The following DGKB variants were observed in gnomAD, a reference collection of about 807,000 sequenced individuals.
DGKB encodes diacylglycerol kinase beta, also known as 90 kDa diacylglycerol kinase.
In DGKB, 67 loss-of-function variants were observed where a neutral mutation model predicts 114.3. The ratio of observed to expected loss-of-function variants is 0.59; its 90% CI spans 0.48 to 0.72. The LOEUF (loss-of-function observed/expected upper bound fraction) is 0.72. Among genes scored for constraint, DGKB ranks in the 30% least tolerant of loss-of-function variants. DGKB has a pLI of 0.00. For synonymous variants in DGKB, 398 were observed against 323.1 expected (o/e 1.23, Z -2.49); for missense variants, 907 against 975.2 (o/e 0.93, Z 0.93).
At chr7:14,825,239 T>G (rs76118162) in intron 2 of DGKB, among the ~76,000 whole-genome samples, 5,018 of 151,724 alleles carry the variant, frequency 0.033, 263 homozygotes, top group African/African-American at 0.12. Context: ...CAGGGACCAG[T>G]GTCATGGAAG....
chr7:14,200,014 G>C (rs1785595093), intron 23 of DGKB, among the ~76,000 whole-genome samples: 1 of 151,994 alleles, frequency 6.6e-6, no homozygotes, highest in African/African-American at 2.4e-5. Context: ...GAGATGTTCA[G>C]ATTTCACTCC....
rs186239855 is a variant in DGKB, at chr7:14,559,984, C to T, written c.1770+14228G>A. The stretch of plus-strand genomic sequence containing the variant: ...CCCTTTCTCCCTCCCTTCCTTTTTG[C>T]CTTCCTCTCTTTTTCTTTCATTTAA... On this transcript the variant is annotated intron_variant, in intron 20 of 25. Coordinates refer to ENST00000402815, the MANE Select transcript of DGKB (RefSeq NM_001350709.2). Among the ~76,000 whole-genome samples the T allele has an allele frequency of 3.9e-3, 584 of 150,462 alleles. 4 individuals carry two copies. Among genetic ancestry groups the T allele is most frequent in the African/African-American group, 0.014 (563 of 40,998 alleles).
intron 23 of DGKB, among the ~76,000 whole-genome samples, chr7:14,276,965 T>C (rs936595726): frequency 6.6e-6 from 1 of 152,112 alleles, no homozygotes; most frequent in Non-Finnish European, 1.5e-5. Context: ...ATCAAGCTAG[T>C]TAACATATCT....
At chr7:14,641,417 G>A (rs542828357) in intron 13 of DGKB, among the ~76,000 whole-genome samples, 52 of 151,440 alleles carry the variant, frequency 3.4e-4, no homozygotes, top group African/African-American at 1.3e-3. Flanking sequence ...AACTTGATTT[G>A]TAAGTTTTGG....
intron 21 of DGKB, among the ~76,000 whole-genome samples, chr7:14,416,850 T>C (rs897532566): frequency 6.6e-6 from 1 of 152,104 alleles, no homozygotes; most frequent in African/African-American, 2.4e-5. Context: ...GCACAGGTAA[T>C]TTTACTCAAC....
chr7:14,895,715 C>T (rs534334766), intron 1 of DGKB, among the ~76,000 whole-genome samples: 4 of 151,662 alleles, frequency 2.6e-5, no homozygotes, highest in East Asian at 1.9e-4. Context: ...GATACAGGAC[C>T]GTGGTATAAG....
chr7:14,689,206 T>TTATTTTTTTTA (rs1554599146), intron 9 of DGKB, among the ~76,000 whole-genome samples: 3 of 122,762 alleles, frequency 2.4e-5, no homozygotes, highest in East Asian at 2.5e-4. Context: ...CTTATTTTTT[T>TTATTTTTTTTA]TTTTTTTTTT....
chr7:14,776,417 C>A (rs1325383825), intron 2 of DGKB, among the ~76,000 whole-genome samples: 1 of 152,234 alleles, frequency 6.6e-6, no homozygotes, highest in Non-Finnish European at 1.5e-5. Context: ...CCTACCATCA[C>A]AGGCCAGGAG....
At position 14,247,799 on chromosome 7, in the gene DGKB, T is replaced by A. The variant is rs187202008; in HGVS notation, c.2123-69648A>T. 1.6e-3 allele frequency among the ~76,000 whole-genome samples: 241 copies of A among 152,204 alleles called. 1 individual carries two copies. The highest frequency in any genetic ancestry group is 0.01 in the Middle Eastern group (3 of 294). On this transcript the variant is annotated intron_variant, in intron 23 of 25. Transcript: ENST00000402815. ...ATATTTTCTTCCATTTTGTAGGTTG[T>A]CTCTTTATGCCTTTGATTATTTCTT...
intron 23 of DGKB, among the ~76,000 whole-genome samples, chr7:14,315,157 G>A (rs1012254281): frequency 2.8e-4 from 40 of 140,868 alleles, no homozygotes; most frequent in African/African-American, 7.1e-4. Flanking sequence ...AGGAACAACC[G>A]GTACCAGCCG....
upstream of DGKB, among the ~76,000 whole-genome samples, chr7:14,906,110 G>A (rs1783693347): frequency 6.6e-6 from 1 of 151,740 alleles, no homozygotes; most frequent in Non-Finnish European, 1.5e-5. Flanking sequence ...TCCTGAGGGG[G>A]CTTTCAGGGT....
intron 2 of DGKB, among the ~76,000 whole-genome samples, chr7:14,791,913 G>A (rs1355360311): frequency 6.6e-6 from 1 of 152,016 alleles, no homozygotes; most frequent in African/African-American, 2.4e-5. Context: ...CATGAGGGAT[G>A]CTGGTCTGTG....
In DGKB at chr7:14,393,417, CAT is replaced by C. The variant is rs1368516390; in HGVS notation, c.1836-48028_1836-48027del. On this transcript the variant is annotated intron_variant, in intron 21 of 25. Transcript: ENST00000402815. ...ATAACCATCTTTCTCATTAGTATAC[CAT>C]ATGATTTAAAAAAGCACTCAATATT... Among the ~76,000 whole-genome samples, 10 of 152,118 alleles carry C rather than the reference CAT, an allele frequency of 6.6e-5. No homozygotes were observed. The East Asian group carries it at 1.9e-3, about 29-fold the overall frequency.
At chr7:14,184,602 C>T (rs1316475069) in intron 23 of DGKB, among the ~76,000 whole-genome samples, 1 of 151,986 alleles carries the variant, frequency 6.6e-6, no homozygotes, top group African/African-American at 2.4e-5. Context: ...CATCCCCATC[C>T]CCCATGCTGC....
chr7:14,769,123 AAGAGAGAGAG>A (rs756712026), intron 2 of DGKB, among the ~76,000 whole-genome samples: 4 of 89,166 alleles, frequency 4.5e-5, no homozygotes, highest in Non-Finnish European at 6.2e-5. Flanking sequence ...GAAAGAAAGA[AAGAGAGAGAG>A]AGAAAGAAAG....
chr7:14,265,925 A>G lies in DGKB; in HGVS notation c.2122+72590T>C, dbSNP rs1484487437. 2.0e-5 allele frequency among the ~76,000 whole-genome samples: 3 copies of G among 152,156 alleles called. No individual in the cohort carries two copies. In the South Asian group the frequency reaches 6.2e-4, roughly 31 times the overall value. ...TTATGTGAATTTTAGTTTGTTTCTT[A>G]TCTTTACTGCAAGGGGGTTATATAG... On this transcript the variant is annotated intron_variant, in intron 23 of 25. Coordinates refer to ENST00000402815, the MANE Select transcript of DGKB (RefSeq NM_001350709.2).
At chr7:14,451,869 A>C (rs769020444) in intron 21 of DGKB, among the ~76,000 whole-genome samples, 21 of 152,082 alleles carry the variant, frequency 1.4e-4, no homozygotes, top group Non-Finnish European at 2.1e-4. Context: ...TCAAAAACAA[A>C]ATGGGATCAA....
At chr7:14,838,187 C>T (rs1847415149) in intron 2 of DGKB, among the ~76,000 whole-genome samples, 1 of 151,884 alleles carries the variant, frequency 6.6e-6, no homozygotes, top group Non-Finnish European at 1.5e-5. Context: ...TTAAATGTAC[C>T]TCCATATTCA....
intron 9 of DGKB, among the ~76,000 whole-genome samples, chr7:14,690,578 T>C (rs1465565702): frequency 6.6e-6 from 1 of 152,248 alleles, no homozygotes; most frequent in African/African-American, 2.4e-5. Context: ...GCAACCTGTT[T>C]TTGCACATGC....
Sources: gnomAD v4.1 joint callset for allele counts (sites outside exome capture counted in the v4.1 genomes callset) on GRCh38, gnomAD v4.1.1 for gene constraint, MANE v1.5 for transcripts, NCBI Gene and HGNC (gene_info 2026-07-23, HGNC 2026-07-21) for gene names.